ATRAID: variants seen among roughly 807,000 people sequenced by gnomAD.
ATRAID encodes the protein all-trans retinoic acid induced differentiation factor.
In ATRAID, 26 loss-of-function variants were observed where a neutral mutation model predicts 28.8. That is an observed-to-expected ratio of 0.90 (90% CI 0.66 to 1.25). The LOEUF is 1.25. Among genes scored for constraint, ATRAID ranks in the 50% most tolerant of loss-of-function variants. ATRAID has a pLI of 0.00. For missense variants in ATRAID, 308 were observed against 285.9 expected (o/e 1.08, Z -0.56); for synonymous variants, 131 against 108.5 (o/e 1.21, Z -1.29).
chr2:27,212,503 G>C (rs1251105910), intron 1 of ATRAID, 36 bp downstream of exon 1: 1 of 1,539,646 alleles, frequency 6.5e-7, no homozygotes, highest in African/African-American at 1.4e-5. Flanking sequence ...CTGAAGCAGG[G>C]TCGCTGGCCA....
Position 27,213,250 on chromosome 2 carries a change from T to C in ATRAID, c.173T>C (p.Leu58Pro), listed in dbSNP as rs1260077271. ...TTTTATTGTAAAACGACACGAGAGC[T>C]AATGCTGCATGCCCGTTGCTGCCTG... ...VAFYCKTTRE[L>P]MLHARCCLNQ... is the part of the protein sequence containing the mutation. Residue 58 changes from leucine to proline, a missense_variant, in exon 2 of 7, where the codon CTA becomes CCA. Transcript: ENST00000380171. The C allele has an allele frequency of 1.9e-6, 3 of 1,614,222 alleles. No individual in the cohort carries two copies. The highest frequency in any genetic ancestry group is 1.7e-5 in the Admixed American group (1 of 60,024).
rs1674883039 is a variant in ATRAID, at chr2:27,217,121, T to G, written c.*173T>G. 1.8e-6 allele frequency: 1 copy of G among 569,926 alleles called. No homozygotes were observed. Among genetic ancestry groups the G allele is most frequent in the East Asian group, 3.0e-5 (1 of 33,772 alleles). 35.3% of individuals were successfully genotyped at this position (569,926 alleles called of 1,614,324 possible). ...GGTGTAGACAAATACCAGTTCCCAT[T>G]GGTGTTGTTGCCTATAATAAACACT... On this transcript the variant is annotated 3_prime_UTR_variant, in exon 7 of 7. Coordinates refer to ENST00000380171, the MANE Select transcript of ATRAID (RefSeq NM_001170795.4).
chr2:27,212,076 G>A lies in ATRAID; in HGVS notation c.-293G>A, dbSNP rs1232172049. On this transcript the variant is annotated 5_prime_UTR_variant, in exon 1 of 7. Coordinates refer to ENST00000380171, the MANE Select transcript of ATRAID (RefSeq NM_001170795.4). ...GAAGCCGCGACCTCGGCGTCCGGAC[G>A]CGGGGAACACCGGGCTGAGGGAGTC... 2 of 1,287,506 alleles carry A rather than the reference G, an allele frequency of 1.6e-6. No homozygotes were observed. The highest frequency in any genetic ancestry group is 3.0e-5 in the East Asian group (1 of 33,038). 79.8% of individuals were successfully genotyped at this position (1,287,506 alleles called of 1,614,324 possible). A position where few individuals can be genotyped will look rare whatever the true frequency, so the allele number is the denominator to read the frequency against.
At position 27,217,020 on chromosome 2, in the gene ATRAID, TA is replaced by T; in HGVS notation, c.*73del. 7.4e-7 allele frequency: 1 copy of T among 1,348,398 alleles called. No individual in the cohort carries two copies. The highest frequency in any genetic ancestry group is 1.0e-6 in the Non-Finnish European group (1 of 983,290). The allele number at this position is 1,348,398 out of a possible 1,614,324, so 83.5% of individuals were successfully genotyped here. A position where few individuals can be genotyped will look rare whatever the true frequency, so the allele number is the denominator to read the frequency against. ...AGCCCAGTCAGGGAGCTCTGCTTCC[TA>T]GAAAGGCATCTTTCGCCAGTGGATT... On this transcript the variant is annotated 3_prime_UTR_variant, in exon 7 of 7. Coordinates refer to ENST00000380171, the MANE Select transcript of ATRAID (RefSeq NM_001170795.4).
Position 27,212,310 on chromosome 2 carries a change from TG to T in ATRAID, c.-58del. 6.5e-7 allele frequency: 1 copy of T among 1,549,802 alleles called. No individual in the cohort carries two copies. On this transcript the variant is annotated 5_prime_UTR_variant, in exon 1 of 7. Coordinates refer to ENST00000380171, the MANE Select transcript of ATRAID (RefSeq NM_001170795.4). The stretch of plus-strand genomic sequence containing the variant: ...GCCCGGGGAAGAGGGCCTGACGCGC[TG>T]CGGGGCGGGGCCGCGGGGCCGGGTC...
At chr2:27,213,156 A>G (rs956029166) in intron 1 of ATRAID, 21 bp from the exon 2 acceptor site, 13 of 1,606,248 alleles carry the variant, frequency 8.1e-6, no homozygotes, top group Middle Eastern at 1.7e-4. Flanking sequence ...TGGAGTTCTA[A>G]TGTTTCTTTC....
At position 27,216,510 on chromosome 2, in the gene ATRAID, C is replaced by G. The variant is rs780955930; in HGVS notation, c.488-13C>G. On this transcript the variant is annotated splice_polypyrimidine_tract_variant and intron_variant, in intron 5 of 6. Transcript: ENST00000380171. ...GGATAAAGTGATGTTCTCTATTTCTCTCTGGCCTCCAGAAATGTGTCCTGA... is the reference window on the plus strand; with the variant it reads ...GGATAAAGTGATGTTCTCTATTTCTGTCTGGCCTCCAGAAATGTGTCCTGA... 6.3e-7 allele frequency: 1 copy of G among 1,593,320 alleles called. No individual in the cohort carries two copies. The highest frequency in any genetic ancestry group is 8.6e-7 in the Non-Finnish European group (1 of 1,161,040).
intron 1 of ATRAID, chr2:27,212,690 C>T: frequency 7.5e-7 from 1 of 1,331,602 alleles, no homozygotes; most frequent in Non-Finnish European, 9.7e-7. Context: ...AACTTGATTT[C>T]GCCCCTTAAT....
At position 27,216,959 on chromosome 2, in the gene ATRAID, T is replaced by C. The variant is rs571703349; in HGVS notation, c.*11T>C. ...GCCAAGACTTCATGAACTACATAGG[T>C]CTTACCATTGACCTAAGATCAATCT... On this transcript the variant is annotated 3_prime_UTR_variant, in exon 7 of 7. Coordinates refer to ENST00000380171, the MANE Select transcript of ATRAID (RefSeq NM_001170795.4). The C allele has an allele frequency of 6.3e-7, 1 of 1,592,104 alleles. No homozygotes were observed. Among genetic ancestry groups the C allele is most frequent in the African/African-American group, 1.3e-5 (1 of 74,278 alleles).
rs1341677656 is a variant in ATRAID, at chr2:27,216,973, T to C, written c.*25T>C. ...AACTACATAGGTCTTACCATTGACC[T>C]AAGATCAATCTGAACTATCTTAGCC... On this transcript the variant is annotated 3_prime_UTR_variant, in exon 7 of 7. Coordinates refer to ENST00000380171, the MANE Select transcript of ATRAID (RefSeq NM_001170795.4). 1 of 1,567,732 alleles carries C rather than the reference T, an allele frequency of 6.4e-7. No individual in the cohort carries two copies. The highest frequency in any genetic ancestry group is 8.7e-7 in the Non-Finnish European group (1 of 1,142,932).
At chr2:27,215,256 C>G (rs1236719535) in intron 2 of ATRAID, 65 bp from the exon 3 acceptor site, 3 of 1,527,024 alleles carry the variant, frequency 2.0e-6, no homozygotes, top group Admixed American at 3.4e-5. Flanking sequence ...TAGTCAAATA[C>G]AAACTGTGCC....
Position 27,212,431 on chromosome 2 carries a change from C to A in ATRAID, c.63C>A (p.Leu21=). The stretch of plus-strand genomic sequence containing the variant: ...TGCCCTGGGCTGCCGCCCTGCTCCT[C>A]GCTCTGGGCGTGGAAAGGGCTCTGG... ...TLVPWAAALL[L]ALGVERALAL... The change falls in exon 1 of 7, where the codon CTC becomes CTA. Residue 21 remains leucine (L), a synonymous_variant. Transcript: ENST00000380171. 1 of 1,558,760 alleles carries A rather than the reference C, an allele frequency of 6.4e-7. No individual in the cohort carries two copies. The highest frequency in any genetic ancestry group is 2.4e-5 in the East Asian group (1 of 41,264).
At chr2:27,214,421 T>TC (rs1465540350) in intron 2 of ATRAID, among the ~76,000 whole-genome samples, 1 of 152,240 alleles carries the variant, frequency 6.6e-6, no homozygotes, top group East Asian at 1.9e-4. Flanking sequence ...TGTGACTTTT[T>TC]TTTTTTAATT....
At chr2:27,216,292 A>T in intron 5 of ATRAID, 1 of 518,610 alleles carries the variant, frequency 1.9e-6, no homozygotes. Context: ...TCTTTTGTGG[A>T]TCTTCAGTTG....
chr2:27,213,172 T>C lies in ATRAID; in HGVS notation c.100-5T>C. 6.2e-7 allele frequency: 1 copy of C among 1,612,184 alleles called. No individual in the cohort carries two copies. The highest frequency in any genetic ancestry group is 8.5e-7 in the Non-Finnish European group (1 of 1,178,714). On this transcript the variant is annotated splice_region_variant and splice_polypyrimidine_tract_variant and intron_variant, in intron 1 of 6. Coordinates refer to ENST00000380171, the MANE Select transcript of ATRAID (RefSeq NM_001170795.4). ...GGAGTTCTAATGTTTCTTTCTCTTC[T>C]GCAGATATGCACCCAATGTCCAGGG...
chr2:27,215,796 C>G, intron 5 of ATRAID, 43 bp downstream of exon 5: 1 of 1,601,780 alleles, frequency 6.2e-7, no homozygotes, highest in South Asian at 1.1e-5. Context: ...TGTCTTTTCT[C>G]CCTTGTATTT....
Position 27,215,391 on chromosome 2 carries a change from A to T in ATRAID, c.292A>T (p.Ile98Leu), listed in dbSNP as rs867875375. The T allele has an allele frequency of 6.2e-7, 1 of 1,614,202 alleles. No homozygotes were observed. The highest frequency in any genetic ancestry group is 1.6e-4 in the Middle Eastern group (1 of 6,062). ...TCATCAGGCACATACCACTGTCATC[A>T]TGTAAGTAGTTAGGTACCTCCCACC... ...NFHQAHTTVI[I>L]DLQANPLKGD... Residue 98 changes from isoleucine (I) to leucine (L), a missense_variant and splice_region_variant, in exon 3 of 7, where the codon ATA becomes TTA. Coordinates refer to ENST00000380171, the MANE Select transcript of ATRAID (RefSeq NM_001170795.4).
rs143266715 is a variant in ATRAID, at chr2:27,212,733, G to A, written c.99+266G>A. On this transcript the variant is annotated intron_variant, in intron 1 of 6. Transcript: ENST00000380171. Reference sequence around the variant, plus strand: ...TAACTTTAAGTTCTTTCTACAGACGGGTCCTCTGCCTCTTGTGTAATCTCT... The same window carrying A: ...TAACTTTAAGTTCTTTCTACAGACGAGTCCTCTGCCTCTTGTGTAATCTCT... The A allele has an allele frequency of 2.4e-4, 260 of 1,072,626 alleles. No individual in the cohort carries two copies. The African/African-American group carries it at 4.0e-3, about 16-fold the overall frequency. The allele number at this position is 1,072,626 out of a possible 1,614,324, so 66.4% of individuals were successfully genotyped here.
At position 27,215,716 on chromosome 2, in the gene ATRAID, A is replaced by G. The variant is rs1244498620; in HGVS notation, c.450A>G (p.Gln150=). 6.2e-7 allele frequency: 1 copy of G among 1,614,254 alleles called. No individual in the cohort carries two copies. Among genetic ancestry groups the G allele is most frequent in the South Asian group, 1.1e-5 (1 of 91,082 alleles). ...ITSYIDNQIC[Q]GQKNLCNNTG... The stretch of plus-strand genomic sequence containing the variant: ...CTTATATAGACAACCAAATCTGTCA[A>G]GGGCAAAAGAACCTTTGCAATAACA... The change falls in exon 5 of 7, where the codon CAA becomes CAG. Residue 150 remains glutamine (Q), a synonymous_variant. Transcript: ENST00000380171.
Sources: gnomAD v4.1 joint callset for allele counts (sites outside exome capture counted in the v4.1 genomes callset) on GRCh38, gnomAD v4.1.1 for gene constraint, MANE v1.5 for transcripts, NCBI Gene and HGNC (gene_info 2026-07-23, HGNC 2026-07-21) for gene names.